The following TMEM240 variants were observed in gnomAD, a reference collection of about 807,000 sequenced individuals.
The protein encoded by TMEM240 is transmembrane protein 240, also known as transmembrane protein C1orf70.
In TMEM240, 3 loss-of-function variants were observed where a neutral mutation model predicts 19.5. The ratio of observed to expected loss-of-function variants is 0.15; its 90% CI spans 0.07 to 0.40. The LOEUF (loss-of-function observed/expected upper bound fraction) is 0.40. Ranked by LOEUF, TMEM240 falls within the 10% of genes least tolerant of loss-of-function variation. The pLI, the probability that TMEM240 is intolerant of heterozygous loss-of-function variation, is 1.00. For synonymous variants in TMEM240, 123 were observed against 109.3 expected (o/e 1.13, Z -0.78); for missense variants, 210 against 253.5 (o/e 0.83, Z 1.17).
At chr1:1,539,341 G>T in intron 2 of TMEM240, 1 of 330,224 alleles carries the variant, frequency 3.0e-6, no homozygotes, top group South Asian at 2.8e-5. Context: ...GCCCAGCCCT[G>T]TGCCAGCAGG....
chr1:1,535,260 G>T lies in TMEM240; in HGVS notation c.*99C>A. The stretch of plus-strand genomic sequence containing the variant: ...CAGCCCCGGACAACCTGGGCCCAGG[G>T]CTGCTGTCCAGTCCCGCCGGCCCGG... On this transcript the variant is annotated 3_prime_UTR_variant, in exon 4 of 4. Transcript: ENST00000378733. This position sits in a 1 kb window ranked among gnomAD's most constrained non-coding sequence, Gnocchi z 8.2. 7 of 1,392,326 alleles carry T rather than the reference G, an allele frequency of 5.0e-6. 1 individual carries two copies. In the Admixed American group the frequency reaches 1.2e-4, roughly 24 times the overall value. 86.2% of individuals were successfully genotyped at this position (1,392,326 alleles called of 1,614,324 possible). A position where few individuals can be genotyped will look rare whatever the true frequency, so the allele number is the denominator to read the frequency against.
rs1401874317 is a variant in TMEM240 at position 1,536,194 on chromosome 1, C to T, written c.165-397G>A. ...CACGGCCAGGGTCACAGCTCACCCG[C>T]CCGCCCCGGGGCCGCGGAGGCCACT... On this transcript the variant is annotated intron_variant, in intron 2 of 3. Coordinates refer to ENST00000378733, the MANE Select transcript of TMEM240 (RefSeq NM_001114748.2). This position sits in a 1 kb window ranked among gnomAD's most constrained non-coding sequence, Gnocchi z 5.4. Among the ~76,000 whole-genome samples the T allele has an allele frequency of 4.6e-5, 7 of 152,114 alleles. No homozygotes were observed. Among genetic ancestry groups the T allele is most frequent in the Admixed American group, 4.6e-4 (7 of 15,292 alleles).
Position 1,535,137 on chromosome 1 carries a change from A to C in TMEM240, c.*222T>G. On this transcript the variant is annotated 3_prime_UTR_variant, in exon 4 of 4. Transcript: ENST00000378733. This position sits in a 1 kb window ranked among gnomAD's most constrained non-coding sequence, Gnocchi z 8.2. ...CCCTTGTGTCCTGCCCCCCAACTGC[A>C]GGGTCTCCCCTAACCCAACCCCCAC... 4 of 256,918 alleles carry C rather than the reference A, an allele frequency of 1.6e-5. No homozygotes were observed. The highest frequency in any genetic ancestry group is 2.9e-5 in the Non-Finnish European group (4 of 137,420). The allele number at this position is 256,918 out of a possible 1,614,324, so 15.9% of individuals were successfully genotyped here.
rs1389514317 is a variant in TMEM240 at position 1,539,743 on chromosome 1, G to A, written c.105C>T (p.His35=). 1.3e-6 allele frequency: 2 copies of A among 1,548,050 alleles called. No individual in the cohort carries two copies. The highest frequency in any genetic ancestry group is 2.7e-5 in the African/African-American group (2 of 72,880). ...CCCGCAGGTGCGGGAGGATGTAGTT[G>A]TGGAATCGGTCCAGCAGCGCGTTCA... The part of the protein sequence containing the change: ...MDMNALLDRF[H]NYILPHLRGE... Residue 35 remains histidine (H), a synonymous_variant, in exon 2 of 4, where the codon CAC becomes CAT. Transcript: ENST00000378733.
rs1570368827 is a variant in TMEM240, at chr1:1,535,316, A to G, written c.*43T>C. The stretch of plus-strand genomic sequence containing the variant: ...CACGAGGTCCCTTTTACATCTGTAC[A>G]GCAGCCGGTTGGCTCGGTGGCCCCG... On this transcript the variant is annotated 3_prime_UTR_variant, in exon 4 of 4. Transcript: ENST00000378733. The surrounding 1 kb of genome is among the most constrained non-coding windows in gnomAD (Gnocchi z 8.2). 1.3e-6 allele frequency: 2 copies of G among 1,543,500 alleles called. No homozygotes were observed. Among genetic ancestry groups the G allele is most frequent in the African/African-American group, 1.4e-5 (1 of 72,238 alleles).
intron 2 of TMEM240, among the ~76,000 whole-genome samples, chr1:1,538,864 C>G (rs141256202): frequency 6.6e-6 from 1 of 152,334 alleles, no homozygotes; most frequent in East Asian, 1.9e-4. Flanking sequence ...GCTGGTGCCC[C>G]CTTTGTCCTT....
chr1:1,539,658 C>T lies in TMEM240; in HGVS notation c.164+26G>A, dbSNP rs546166379. ...GCCACACATGTGCGCTCACGCGTGTCGAGCCGGCGCCGGTTGTGGACTCAC... is the reference window on the plus strand; with the variant it reads ...GCCACACATGTGCGCTCACGCGTGTTGAGCCGGCGCCGGTTGTGGACTCAC... On this transcript the variant is annotated intron_variant, in intron 2 of 3. Coordinates refer to ENST00000378733, the MANE Select transcript of TMEM240 (RefSeq NM_001114748.2). 7.9e-5 allele frequency: 121 copies of T among 1,538,214 alleles called. 1 individual carries two copies. In the South Asian group the frequency reaches 1.4e-3, roughly 17 times the overall value.
Position 1,535,165 on chromosome 1 carries a change from T to G in TMEM240, c.*194A>C. On this transcript the variant is annotated 3_prime_UTR_variant, in exon 4 of 4. Transcript: ENST00000378733. The surrounding 1 kb of genome is among the most constrained non-coding windows in gnomAD (Gnocchi z 8.2). ...GTCTCCCCTAACCCAACCCCCACCC[T>G]AGCCCACACCCCAACCCCCTTTATA... The G allele has an allele frequency of 7.6e-6, 1 of 131,330 alleles. No homozygotes were observed. The highest frequency in any genetic ancestry group is 1.5e-5 in the Non-Finnish European group (1 of 68,936). 8.1% of individuals were successfully genotyped at this position (131,330 alleles called of 1,614,324 possible). A position where few individuals can be genotyped will look rare whatever the true frequency, so the allele number is the denominator to read the frequency against.
Position 1,537,706 on chromosome 1 carries a change from G to A in TMEM240, c.165-1909C>T, listed in dbSNP as rs927414079. ...CCACCTGAGGCCCAGTGTACATCAC[G>A]TATACACACCAGCCACATGCACGGG... On this transcript the variant is annotated intron_variant, in intron 2 of 3. Coordinates refer to ENST00000378733, the MANE Select transcript of TMEM240 (RefSeq NM_001114748.2). Among the ~76,000 whole-genome samples the A allele has an allele frequency of 3.9e-5, 6 of 152,300 alleles. No homozygotes were observed. In the East Asian group the frequency reaches 9.6e-4, roughly 24 times the overall value.
Position 1,534,915 on chromosome 1 carries a change from T to C in TMEM240, c.*444A>G, listed in dbSNP as rs4994703. Among the ~76,000 whole-genome samples the C allele has an allele frequency of 0.2, 30,232 of 150,026 alleles. 7,384 individuals carry two copies. Among genetic ancestry groups the C allele is most frequent in the African/African-American group, 0.58 (23,350 of 40,078 alleles). On this transcript the variant is annotated 3_prime_UTR_variant, in exon 4 of 4. Transcript: ENST00000378733. ...CCTGTGGCTGTGCACACGCGGGTGC[T>C]CCCCTCGCCCCCCTCCCCTCCGCCC...
intron 1 of TMEM240, 111 bp from the exon 2 acceptor site, chr1:1,539,901 A>G: frequency 1.4e-6 from 1 of 693,912 alleles, no homozygotes; most frequent in Non-Finnish European, 2.1e-6. Flanking sequence ...GCGAGAGCGC[A>G]GGCCGGGGTG....
chr1:1,535,913 G>C lies in TMEM240; in HGVS notation c.165-116C>G. 1 of 436,984 alleles carries C rather than the reference G, an allele frequency of 2.3e-6. No homozygotes were observed. Among genetic ancestry groups the C allele is most frequent in the East Asian group, 6.8e-5 (1 of 14,712 alleles). 27.1% of individuals were successfully genotyped at this position (436,984 alleles called of 1,614,324 possible). A position where few individuals can be genotyped will look rare whatever the true frequency, so the allele number is the denominator to read the frequency against. On this transcript the variant is annotated intron_variant, in intron 2 of 3. Transcript: ENST00000378733. This position sits in a 1 kb window ranked among gnomAD's most constrained non-coding sequence, Gnocchi z 8.2. ...CGTCAGGCCGCCCTGGGGGTTCTCT[G>C]AAGCAGCCTCTTGGGCGGGCGGGTC...
Position 1,536,192 on chromosome 1 carries a change from C to T in TMEM240, c.165-395G>A, listed in dbSNP as rs1041938649. Among the ~76,000 whole-genome samples, 24 of 152,126 alleles carry T rather than the reference C, an allele frequency of 1.6e-4. No individual in the cohort carries two copies. Among genetic ancestry groups the T allele is most frequent in the African/African-American group, 4.6e-4 (19 of 41,490 alleles). On this transcript the variant is annotated intron_variant, in intron 2 of 3. Transcript: ENST00000378733. The surrounding 1 kb of genome is among the most constrained non-coding windows in gnomAD (Gnocchi z 5.4). ...CCCACGGCCAGGGTCACAGCTCACC[C>T]GCCCGCCCCGGGGCCGCGGAGGCCA...
chr1:1,539,887 G>A, intron 1 of TMEM240, 97 bp from the exon 2 acceptor site: 1 of 1,072,932 alleles, frequency 9.3e-7, no homozygotes, highest in East Asian at 2.8e-5. Flanking sequence ...AGCGCAAGCG[G>A]GGAGCGAGAG....
At chr1:1,540,097 G>A (rs1364306813) in intron 1 of TMEM240, among the ~76,000 whole-genome samples, 193 bp downstream of exon 1, 6 of 96,744 alleles carry the variant, frequency 6.2e-5, no homozygotes, top group African/African-American at 2.5e-4. Context: ...TGTGGGGATC[G>A]CAGGTTGGGG....
Position 1,535,018 on chromosome 1 carries a change from C to T in TMEM240, c.*341G>A, listed in dbSNP as rs7417423. ...TTCAAACAGATGCTGGCCCGGGCCG[C>T]GCGCCTCGCCGCCCCTGCCCCCACC... On this transcript the variant is annotated 3_prime_UTR_variant, in exon 4 of 4. Transcript: ENST00000378733. This position sits in a 1 kb window ranked among gnomAD's most constrained non-coding sequence, Gnocchi z 8.2. Among the ~76,000 whole-genome samples the T allele has an allele frequency of 0.029, 4,303 of 150,586 alleles. 368 individuals are homozygous for T. Among genetic ancestry groups the T allele is most frequent in the East Asian group, 0.23 (1,143 of 4,928 alleles).
rs1196448204 is a variant in TMEM240 at position 1,535,838 on chromosome 1, C to G, written c.165-41G>C. 5 of 1,530,462 alleles carry G rather than the reference C, an allele frequency of 3.3e-6. No individual in the cohort carries two copies. Among genetic ancestry groups the G allele is most frequent in the Non-Finnish European group, 4.4e-6 (5 of 1,130,592 alleles). 94.8% of individuals were successfully genotyped at this position (1,530,462 alleles called of 1,614,324 possible). On this transcript the variant is annotated intron_variant, in intron 2 of 3. Transcript: ENST00000378733. The surrounding 1 kb of genome is among the most constrained non-coding windows in gnomAD (Gnocchi z 8.2). Reference sequence around the variant, plus strand: ...CGGGCTGGCACCTCTCCCGCCACCCCCGGCCTGGCCTTCCCCCGGGGCGCC... The same window carrying G: ...CGGGCTGGCACCTCTCCCGCCACCCGCGGCCTGGCCTTCCCCCGGGGCGCC...
Position 1,536,711 on chromosome 1 carries a change from CCAGA to C in TMEM240, c.165-918_165-915del, listed in dbSNP as rs1366367345. 2.6e-5 allele frequency among the ~76,000 whole-genome samples: 4 copies of C among 152,110 alleles called. No homozygotes were observed. Among genetic ancestry groups the C allele is most frequent in the South Asian group, 2.1e-4 (1 of 4,830 alleles). ...TGACTCTGCCGATCGGACTGGCATCCCAGACAGTCAACTCTGGGATCCCTAGTCC... is the reference window on the plus strand; with the variant it reads ...TGACTCTGCCGATCGGACTGGCATCCCAGTCAACTCTGGGATCCCTAGTCC... On this transcript the variant is annotated intron_variant, in intron 2 of 3. Coordinates refer to ENST00000378733, the MANE Select transcript of TMEM240 (RefSeq NM_001114748.2). This position sits in a 1 kb window ranked among gnomAD's most constrained non-coding sequence, Gnocchi z 5.4.
In TMEM240 at chr1:1,536,924, CCTCGGTGA is replaced by C. The variant is rs911763195; in HGVS notation, c.165-1135_165-1128del. ...CAGACCTGCTTCTCCCCCACCTTCC[CCTCGGTGA>C]CGTAGCAGCGCCTCAGCCTGGTTTT... On this transcript the variant is annotated intron_variant, in intron 2 of 3. Coordinates refer to ENST00000378733, the MANE Select transcript of TMEM240 (RefSeq NM_001114748.2). This position sits in a 1 kb window ranked among gnomAD's most constrained non-coding sequence, Gnocchi z 5.4. Among the ~76,000 whole-genome samples, 1 of 152,118 alleles carries C rather than the reference CCTCGGTGA, an allele frequency of 6.6e-6. No homozygotes were observed. The highest frequency in any genetic ancestry group is 2.4e-5 in the African/African-American group (1 of 41,412).
Sources: allele counts gnomAD v4.1 joint callset (sites outside exome capture counted in the v4.1 genomes callset), GRCh38; gene constraint gnomAD v4.1.1; non-coding constraint Gnocchi (gnomAD v3.1); transcripts MANE v1.5; gene names NCBI Gene and HGNC (gene_info 2026-07-23, HGNC 2026-07-21).